Variants in PKHD1L1 observed in about 807,000 individuals in gnomAD.
PKHD1L1 encodes the protein fibrocystin-L.
A neutral mutation model predicts 462.9 loss-of-function variants in PKHD1L1; 434 were observed. That is an observed-to-expected ratio of 0.94 (90% CI 0.87 to 1.02). The LOEUF is 1.02. Ranked by LOEUF, PKHD1L1 falls within the 50% of genes least tolerant of loss-of-function variation. PKHD1L1 has a pLI of 0.00. For synonymous variants in PKHD1L1, 1,781 were observed against 1,750.0 expected, an observed-to-expected ratio of 1.02 and a Z score of -0.44; for missense variants, 5,202 against 5,096.1, an observed-to-expected ratio of 1.02 and a Z score of -0.63.
rs1180273583 is a variant in PKHD1L1 at position 109,425,119 on chromosome 8, A to G, written c.2732A>G (p.Tyr911Cys). 3.7e-6 allele frequency: 6 copies of G among 1,600,530 alleles called. No individual in the cohort carries two copies. The highest frequency in any genetic ancestry group is 5.1e-6 in the Non-Finnish European group (6 of 1,174,356). The change falls in exon 24 of 78, where the codon TAC becomes TGC. Residue 911 changes from tyrosine (Y) to cysteine (C), a missense_variant. Physicochemically the swap from Tyr to Cys is radical, Grantham distance 194. This residue lies in a region of PKHD1L1 where 4,497 missense variants were observed against 4,336.8 expected (regional missense o/e 1.04). Coordinates refer to ENST00000378402, the MANE Select transcript of PKHD1L1 (RefSeq NM_177531.6). ...CATGAGACAGAGAACGAGTTTGTCTACAGAGGAAATAATTGGCCAGGCGAG... is the reference window on the plus strand; with the variant it reads ...CATGAGACAGAGAACGAGTTTGTCTGCAGAGGAAATAATTGGCCAGGCGAG... ...ITHETENEFVYRGNNWPGESK... is the reference protein window; with the variant it reads ...ITHETENEFVCRGNNWPGESK...
chr8:109,393,989 T>G (rs540036685), intron 9 of PKHD1L1, among the ~76,000 whole-genome samples: 4 of 151,926 alleles, frequency 2.6e-5, no homozygotes, highest in Admixed American at 2.6e-4. Flanking sequence ...CTGGCCAACA[T>G]AGTGAAACCC....
In PKHD1L1 at chr8:109,384,102, C is replaced by A. The variant is rs1414098966; in HGVS notation, c.450C>A (p.Ser150Arg). 5 of 1,611,278 alleles carry A rather than the reference C, an allele frequency of 3.1e-6. No individual in the cohort carries two copies. The highest frequency in any genetic ancestry group is 3.4e-6 in the Non-Finnish European group (4 of 1,177,820). ...GTTTTAGAACCCCAACAATAAGAAG[C>A]ATCACACCTTTATCTGGAACTCCAG... Reference protein sequence around the residue: ...AKSFRTPTIRSITPLSGTPGT... With the variant: ...AKSFRTPTIRRITPLSGTPGT... The change falls in exon 5 of 78, where the codon AGC becomes AGA. Residue 150 changes from serine (S) to arginine (R), a missense_variant. Around this residue, in one of 3 missense-constraint regions of PKHD1L1, gnomAD observed 4,497 missense variants for 4,336.8 expected, o/e 1.04. Coordinates refer to ENST00000378402, the MANE Select transcript of PKHD1L1 (RefSeq NM_177531.6).
At chr8:109,371,312 G>A (rs1346679649) in intron 2 of PKHD1L1, among the ~76,000 whole-genome samples, 1 of 152,174 alleles carries the variant, frequency 6.6e-6, no homozygotes, top group African/African-American at 2.4e-5. Context: ...CTTTTGAGAA[G>A]TGTCTGTTCA....
intron 6 of PKHD1L1, among the ~76,000 whole-genome samples, chr8:109,385,957 A>T (rs1394931367): frequency 6.6e-6 from 1 of 152,192 alleles, no homozygotes. Flanking sequence ...TTATTACTTA[A>T]TCTAACTGTC....
In PKHD1L1 at chr8:109,449,372, A is replaced by T; in HGVS notation, c.6060A>T (p.Thr2020=). ...GTGGGGGTCAAACCATGACTGTGAC[A>T]GGCACCGGATTTAATCCACAAAATT... ...SFGGGQTMTV[T]GTGFNPQNSI... is the part of the protein sequence containing the mutation. The change falls in exon 40 of 78, where the codon ACA becomes ACT. Residue 2020 remains threonine, a synonymous_variant. Transcript: ENST00000378402. The T allele has an allele frequency of 1.3e-6, 2 of 1,581,264 alleles. No individual in the cohort carries two copies. Among genetic ancestry groups the T allele is most frequent in the South Asian group, 1.2e-5 (1 of 86,328 alleles).
chr8:109,427,012 T>G lies in PKHD1L1; in HGVS notation c.2856T>G (p.Ala952=), dbSNP rs1332711999. 5 of 1,536,958 alleles carry G rather than the reference T, an allele frequency of 3.3e-6. 1 individual carries two copies. The South Asian group carries it at 5.6e-5, about 17-fold the overall frequency. The change falls in exon 25 of 78, where the codon GCT becomes GCG. Residue 952 remains alanine (A), a synonymous_variant. Coordinates refer to ENST00000378402, the MANE Select transcript of PKHD1L1 (RefSeq NM_177531.6). ...CCTCTGTGAGTGCAGGCCTCCCCGC[T>G]GCTGTGTCAGCTGCAGATCTGCAGT... ...AYGHILKGLP[A]AVSAADLQFA...
In PKHD1L1 at chr8:109,448,132, T is replaced by A. The variant is rs773521207; in HGVS notation, c.5777-11T>A. ...GATATATTTATATTGTGTGCTTTTT[T>A]TTTTTTTAAGGTCCACCAGGAACTG... On this transcript the variant is annotated splice_polypyrimidine_tract_variant and intron_variant, in intron 38 of 77. Transcript: ENST00000378402. 13 of 1,580,090 alleles carry A rather than the reference T, an allele frequency of 8.2e-6. No homozygotes were observed. The highest frequency in any genetic ancestry group is 5.5e-5 in the Admixed American group (3 of 54,750).
At chr8:109,415,125 C>G (rs1037213112) in intron 21 of PKHD1L1, among the ~76,000 whole-genome samples, 8 of 151,836 alleles carry the variant, frequency 5.3e-5, no homozygotes, top group Non-Finnish European at 7.4e-5. Flanking sequence ...AGCCTCCCCC[C>G]ACAAGTAGCT....
intron 6 of PKHD1L1, among the ~76,000 whole-genome samples, chr8:109,386,397 G>A (rs1039992863): frequency 2.0e-5 from 3 of 152,116 alleles, no homozygotes; most frequent in Admixed American, 2.0e-4. Context: ...CATAAAACAG[G>A]TAAATGGATA....
chr8:109,400,728 T>C (rs1162328319), intron 13 of PKHD1L1, among the ~76,000 whole-genome samples: 1 of 152,094 alleles, frequency 6.6e-6, no homozygotes, highest in East Asian at 1.9e-4. Flanking sequence ...GCAGTGTTAT[T>C]ACTTGGGTTT....
intron 68 of PKHD1L1, among the ~76,000 whole-genome samples, chr8:109,504,718 T>G (rs1218894811): frequency 8.5e-5 from 13 of 152,172 alleles, no homozygotes; most frequent in South Asian, 2.1e-4. Flanking sequence ...ATTGCTTTTT[T>G]TGTGTGTGAA....
chr8:109,507,550 T>C (rs753402693), intron 68 of PKHD1L1, 113 bp from the exon 69 acceptor site: 9 of 885,054 alleles, frequency 1.0e-5, no homozygotes, highest in Non-Finnish European at 1.6e-5. Flanking sequence ...GAAATCTCTC[T>C]GAAATAAAAT....
At chr8:109,518,576 C>G in intron 73 of PKHD1L1, 68 bp downstream of exon 73, 1 of 1,336,960 alleles carries the variant, frequency 7.5e-7, no homozygotes, top group African/African-American at 1.5e-5. Context: ...ATAACCTGAT[C>G]AGGGCTTGGT....
At chr8:109,405,357 TAA>T (rs1392958884) in intron 16 of PKHD1L1, among the ~76,000 whole-genome samples, 3 of 152,164 alleles carry the variant, frequency 2.0e-5, no homozygotes, top group African/African-American at 7.2e-5. Flanking sequence ...ATAATAATGA[TAA>T]ATATATATCT....
rs569415719 is a variant in PKHD1L1 at position 109,401,160 on chromosome 8, G to T, written c.1282-337G>T. Among the ~76,000 whole-genome samples the T allele has an allele frequency of 3.9e-4, 60 of 152,188 alleles. No homozygotes were observed. The South Asian group carries it at 0.012, about 30-fold the overall frequency. ...TCTCAAAGTTCTCCACAGAGCAAAAGAATATTTTATTTGTCAATAACTACC... is the reference window on the plus strand; with the variant it reads ...TCTCAAAGTTCTCCACAGAGCAAAATAATATTTTATTTGTCAATAACTACC... On this transcript the variant is annotated intron_variant, in intron 13 of 77. Transcript: ENST00000378402.
chr8:109,436,922 C>G (rs1216973911), intron 30 of PKHD1L1, among the ~76,000 whole-genome samples: 1 of 152,094 alleles, frequency 6.6e-6, no homozygotes, highest in Non-Finnish European at 1.5e-5. Context: ...AAAAGGAATA[C>G]TTTATTTTTC....
intron 28 of PKHD1L1, among the ~76,000 whole-genome samples, chr8:109,434,596 G>A (rs536081037): frequency 3.3e-5 from 5 of 152,078 alleles, no homozygotes; most frequent in Admixed American, 2.6e-4. Context: ...AGCCTCCCAA[G>A]TAGCTGAGAT....
chr8:109,535,637 C>T lies in PKHD1L1; in HGVS notation c.*5547C>T, dbSNP rs1821129081. ...AGCAACAATCAAGACACATATCCTC[C>T]TAAGTGAATTTGAATTAGACACTGG... On this transcript the variant is annotated 3_prime_UTR_variant, in exon 78 of 78. Transcript: ENST00000378402. 6.6e-6 allele frequency among the ~76,000 whole-genome samples: 1 copy of T among 152,112 alleles called. No homozygotes were observed. Among genetic ancestry groups the T allele is most frequent in the African/African-American group, 2.4e-5 (1 of 41,404 alleles).
Position 109,459,834 on chromosome 8 carries a change from C to T in PKHD1L1, c.7244C>T (p.Thr2415Ile), listed in dbSNP as rs1251007449. 4.4e-6 allele frequency: 7 copies of T among 1,607,544 alleles called. No individual in the cohort carries two copies. Among genetic ancestry groups the T allele is most frequent in the South Asian group, 3.3e-5 (3 of 90,182 alleles). Reference sequence around the variant, plus strand: ...CCTGCATGTCCTGATGGATTTGACACAGGTAATTTTAGCAGCTCTCGTGGT... The same window carrying T: ...CCTGCATGTCCTGATGGATTTGACATAGGTAATTTTAGCAGCTCTCGTGGT... ...KIPACPDGFD[T>I]GEFATQTCLQ... Residue 2415 changes from threonine to isoleucine, a missense_variant and splice_region_variant, in exon 47 of 78, where the codon ACA becomes ATA. Thr to Ile is a moderately conservative substitution (Grantham distance 89). Around this residue, in one of 3 missense-constraint regions of PKHD1L1, gnomAD observed 4,497 missense variants for 4,336.8 expected, o/e 1.04. Transcript: ENST00000378402.
Sources: gnomAD v4.1 joint callset for allele counts (sites outside exome capture counted in the v4.1 genomes callset) on GRCh38, gnomAD v4.1.1 for gene constraint, gnomAD v4.1.1 regional missense constraint, MANE v1.5 for transcripts, NCBI Gene and HGNC (gene_info 2026-07-23, HGNC 2026-07-21) for gene names.